The following MALRD1 variants were observed in gnomAD, a reference collection of about 807,000 sequenced individuals.
The protein encoded by MALRD1 is MAM and LDL receptor class A domain containing 1.
In MALRD1, 247 loss-of-function variants were observed where a neutral mutation model predicts 242.1. That is an observed-to-expected ratio of 1.02 (90% confidence interval 0.92 to 1.13). The LOEUF (loss-of-function observed/expected upper bound fraction) is 1.13. Ranked by LOEUF, MALRD1 falls within the 50% of genes most tolerant of loss-of-function variation. MALRD1 has a pLI of 0.00. For synonymous variants in MALRD1, 995 were observed against 866.6 expected, an observed-to-expected ratio of 1.15 and a Z score of -2.60; for missense variants, 2,989 against 2,533.1, an observed-to-expected ratio of 1.18 and a Z score of -3.86.
At chr10:19,488,915 G>T (rs1304598838) in intron 29 of MALRD1, 1 of 365,862 alleles carries the variant, frequency 2.7e-6, no homozygotes, top group Non-Finnish European at 5.5e-6. Context: ...AGTAGTTTGG[G>T]TTATTACATG....
intron 31 of MALRD1, among the ~76,000 whole-genome samples, chr10:19,530,382 T>TG (rs71200983): frequency 1.8e-4 from 3 of 16,540 alleles, no homozygotes; most frequent in African/African-American, 2.7e-4. Flanking sequence ...TATATAAATA[T>TG]TATATATTTA....
At chr10:19,562,468 A>G (rs1409582790) in intron 32 of MALRD1, among the ~76,000 whole-genome samples, 20 of 152,110 alleles carry the variant, frequency 1.3e-4, no homozygotes, top group Admixed American at 1.3e-3. Flanking sequence ...TAACTTTCAA[A>G]CTTATTCACC....
chr10:19,461,341 C>A (rs1835931919), intron 29 of MALRD1, among the ~76,000 whole-genome samples: 1 of 152,048 alleles, frequency 6.6e-6, no homozygotes, highest in Non-Finnish European at 1.5e-5. Flanking sequence ...GAGAAAGAAA[C>A]CAAGTGTGCT....
intron 32 of MALRD1, among the ~76,000 whole-genome samples, chr10:19,536,537 G>A (rs1834683050): frequency 6.6e-6 from 1 of 151,694 alleles, no homozygotes; most frequent in Non-Finnish European, 1.5e-5. Context: ...CTCTTTCGTA[G>A]CCCTTGTAAT....
chr10:19,079,322 C>A (rs1453816280), intron 2 of MALRD1, among the ~76,000 whole-genome samples: 2 of 151,782 alleles, frequency 1.3e-5, no homozygotes, highest in East Asian at 3.9e-4. Context: ...TTAAATCATT[C>A]TGTTATACCT....
chr10:19,548,246 C>T (rs1835329597), intron 32 of MALRD1, among the ~76,000 whole-genome samples: 1 of 151,686 alleles, frequency 6.6e-6, no homozygotes, highest in African/African-American at 2.4e-5. Context: ...TGATTTGCCC[C>T]CCTCTGCCGC....
intron 1 of MALRD1, chr10:19,051,717 G>A (rs1467036666): frequency 6.5e-6 from 1 of 154,224 alleles, no homozygotes; most frequent in Admixed American, 6.5e-5. Flanking sequence ...GAGGTCAGGA[G>A]ATGGAGACCA....
intron 31 of MALRD1, among the ~76,000 whole-genome samples, chr10:19,518,485 A>C (rs145336559): frequency 8.5e-4 from 129 of 151,980 alleles, no homozygotes; most frequent in African/African-American, 3.0e-3. Flanking sequence ...ATATTTTATT[A>C]TTTTTTGAAA....
At position 19,128,397 on chromosome 10, in the gene MALRD1, A is replaced by G; in HGVS notation, c.1110+10A>G. 8.1e-7 allele frequency: 1 copy of G among 1,231,684 alleles called. No individual in the cohort carries two copies. The highest frequency in any genetic ancestry group is 1.0e-6 in the Non-Finnish European group (1 of 986,332). 76.3% of individuals were successfully genotyped at this position (1,231,684 alleles called of 1,614,324 possible). On this transcript the variant is annotated intron_variant, in intron 8 of 39. Transcript: ENST00000454679. ...ACTGTATAATAATAAGGTAAGAAGA[A>G]AGTTGCATTTATTTCAAATTCATTG...
At chr10:19,344,353 GTTTC>G (rs1454348468) in intron 24 of MALRD1, among the ~76,000 whole-genome samples, 1 of 152,020 alleles carries the variant, frequency 6.6e-6, no homozygotes, top group African/African-American at 2.4e-5. Context: ...TTTGGTCACA[GTTTC>G]TTTATTTTTA....
chr10:19,309,952 G>T (rs867429384), intron 21 of MALRD1, among the ~76,000 whole-genome samples: 1 of 151,472 alleles, frequency 6.6e-6, no homozygotes, highest in South Asian at 2.1e-4. Context: ...AAGGAGACCA[G>T]ATTGCCCCAT....
chr10:19,668,660 CTG>C (rs1275432119), intron 36 of MALRD1, among the ~76,000 whole-genome samples: 2 of 151,994 alleles, frequency 1.3e-5, no homozygotes, highest in East Asian at 3.9e-4. Context: ...TACCTGGAGT[CTG>C]TGAAAAAGTA....
intron 29 of MALRD1, among the ~76,000 whole-genome samples, chr10:19,461,785 A>T (rs1835958867): frequency 6.6e-6 from 1 of 152,154 alleles, no homozygotes; most frequent in South Asian, 2.1e-4. Flanking sequence ...TTGAGGCTGC[A>T]GTGAGTCATG....
intron 7 of MALRD1, among the ~76,000 whole-genome samples, chr10:19,125,362 T>TTTCTTTCTTTCTTTCTTTCTTTCTTTCC (rs1837243953): frequency 8.0e-6 from 1 of 125,080 alleles, no homozygotes; most frequent in Non-Finnish European, 1.6e-5. Flanking sequence ...TCTTTCTTTC[T>TTTCTTTCTTTCTTTCTTTCTTTCTTTCC]TTCTTTCTTT....
At chr10:19,602,355 C>T (rs1380462106) in intron 34 of MALRD1, among the ~76,000 whole-genome samples, 1 of 130,412 alleles carries the variant, frequency 7.7e-6, no homozygotes, top group African/African-American at 3.0e-5. Context: ...CTCCCCCCAC[C>T]CTATGACAGG....
At chr10:19,562,281 C>T (rs755249187) in intron 32 of MALRD1, among the ~76,000 whole-genome samples, 5 of 147,410 alleles carry the variant, frequency 3.4e-5, no homozygotes, top group Admixed American at 1.4e-4. Context: ...GGCAACAGAG[C>T]GAGATGCTGT....
chr10:19,592,145 A>T (rs758570458), intron 33 of MALRD1, among the ~76,000 whole-genome samples: 3 of 152,210 alleles, frequency 2.0e-5, no homozygotes, highest in Admixed American at 6.5e-5. Flanking sequence ...GGGGAGTGTT[A>T]TAAGTCAGGT....
At chr10:19,554,861 G>T (rs1241534875) in intron 32 of MALRD1, among the ~76,000 whole-genome samples, 1 of 152,082 alleles carries the variant, frequency 6.6e-6, no homozygotes, top group African/African-American at 2.4e-5. Flanking sequence ...ACATATGCAT[G>T]CATGTATCTT....
In MALRD1 at chr10:19,203,883, A is replaced by G. The variant is rs536085714; in HGVS notation, c.2104+3A>G. The G allele has an allele frequency of 6.4e-7, 1 of 1,550,486 alleles. No homozygotes were observed. Among genetic ancestry groups the G allele is most frequent in the African/African-American group, 1.4e-5 (1 of 73,158 alleles). On this transcript the variant is annotated splice_donor_region_variant and intron_variant, in intron 15 of 39. Coordinates refer to ENST00000454679, the MANE Select transcript of MALRD1 (RefSeq NM_001142308.3). Reference sequence around the variant, plus strand: ...TCATAGTCTCAACGCATCTCAAGGTAAGAAGCAAACAGGGACTCTACAACC... The same window carrying G: ...TCATAGTCTCAACGCATCTCAAGGTGAGAAGCAAACAGGGACTCTACAACC...
Sources: allele counts gnomAD v4.1 joint callset (sites outside exome capture counted in the v4.1 genomes callset), GRCh38; gene constraint gnomAD v4.1.1; transcripts MANE v1.5; gene names NCBI Gene and HGNC (gene_info 2026-07-23, HGNC 2026-07-21).